The following AFF2 variants were observed in gnomAD, a reference collection of about 807,000 sequenced individuals.
The protein encoded by AFF2 is ALF transcription elongation factor 2.
A neutral mutation model predicts 76.9 loss-of-function variants in AFF2; 14 were observed. The ratio of observed to expected loss-of-function variants is 0.18; its 90% CI spans 0.12 to 0.28. AFF2 has a LOEUF of 0.28. Ranked by LOEUF, AFF2 falls within the 10% of genes least tolerant of loss-of-function variation. The probability of loss-of-function intolerance (pLI) is 1.00; values close to 1 mark genes in which losing one functional copy is unlikely to be tolerated. For missense variants in AFF2, 868 were observed against 1,001.1 expected (o/e 0.87, Z 1.79); for synonymous variants, 398 against 366.7 (o/e 1.09, Z -0.98).
intron 1 of AFF2, among the ~76,000 whole-genome samples, chrX:148,596,901 A>G (rs1403988298): frequency 8.9e-6 from 1 of 111,902 alleles, no homozygotes; most frequent in Non-Finnish European, 1.9e-5. Flanking sequence ...TTTGACAATG[A>G]AAACTCCCAA....
intron 1 of AFF2, among the ~76,000 whole-genome samples, chrX:148,529,264 T>G (rs2052701341): frequency 8.9e-6 from 1 of 111,822 alleles, no homozygotes; most frequent in Non-Finnish European, 1.9e-5. Flanking sequence ...GGGAGTGGAC[T>G]GCCATGCATG....
At chrX:148,978,251 C>G in intron 17 of AFF2, 111 bp from the exon 18 acceptor site, 1 of 572,647 alleles carries the variant, frequency 1.7e-6, no homozygotes. Flanking sequence ...TTATGTTTCT[C>G]AATCTAACCA....
chrX:148,864,884 A>T (rs984255218), intron 7 of AFF2, among the ~76,000 whole-genome samples: 16 of 112,283 alleles, frequency 1.4e-4, no homozygotes, highest in Non-Finnish European at 2.6e-4. Flanking sequence ...CGACTGAAAA[A>T]TTGTATAAAC....
chrX:148,644,867 C>T (rs928999537), intron 1 of AFF2, among the ~76,000 whole-genome samples: 16 of 111,729 alleles, frequency 1.4e-4, no homozygotes, highest in African/African-American at 5.2e-4. Context: ...TGCAGTTGGT[C>T]CAATGTATGC....
At chrX:148,978,299 T>G in intron 17 of AFF2, 63 bp from the exon 18 acceptor site, 1 of 809,279 alleles carries the variant, frequency 1.2e-6, no homozygotes, top group South Asian at 2.2e-5. Context: ...AGCAGTCTTC[T>G]TAACAGTTTA....
rs782019909 is a variant in AFF2 at position 148,843,434 on chromosome X, G to A, written c.1262+1G>A. 4.2e-6 allele frequency: 5 copies of A among 1,204,304 alleles called. No homozygotes were observed. The highest frequency in any genetic ancestry group is 1.8e-5 in the South Asian group (1 of 56,279). On this transcript the variant is annotated splice_donor_variant, in intron 7 of 20. Coordinates refer to ENST00000370460, the MANE Select transcript of AFF2 (RefSeq NM_002025.4). LOFTEE classifies it high-confidence loss of function. The stretch of plus-strand genomic sequence containing the variant: ...CTACAAAGTCAGTGTCTTTCAAATC[G>A]TGAGTAGTTGGATCTCCAAATCAGG...
intron 1 of AFF2, among the ~76,000 whole-genome samples, chrX:148,629,350 A>C (rs922029093): frequency 4.5e-5 from 5 of 112,152 alleles, no homozygotes; most frequent in Non-Finnish European, 7.5e-5. Context: ...GCAAATTGTT[A>C]GTTTACTTTA....
At chrX:148,826,769 A>G (rs2070392958) in intron 4 of AFF2, among the ~76,000 whole-genome samples, 1 of 60,306 alleles carries the variant, frequency 1.7e-5, no homozygotes, top group Non-Finnish European at 4.1e-5. Context: ...GTAGAGAAAA[A>G]CGAATCTGGG....
intron 3 of AFF2, chrX:148,719,221 T>G (rs782282910): frequency 3.1e-5 from 35 of 1,146,266 alleles, no homozygotes; most frequent in Non-Finnish European, 3.8e-5. Flanking sequence ...CCGTCCTTCT[T>G]CAAGATGAAG....
At chrX:148,920,491 C>T (rs1462751463) in intron 9 of AFF2, among the ~76,000 whole-genome samples, 1 of 111,727 alleles carries the variant, frequency 9.0e-6, no homozygotes, top group Non-Finnish European at 1.9e-5. Flanking sequence ...GTTCTCTCTT[C>T]CTTCAGCCAA....
chrX:148,947,426 C>T (rs782173813), intron 9 of AFF2, among the ~76,000 whole-genome samples: 60 of 112,184 alleles, frequency 5.3e-4, no homozygotes, highest in Middle Eastern at 4.6e-3. Context: ...TCTCCACATC[C>T]CTTGTTTCTT....
intron 1 of AFF2, among the ~76,000 whole-genome samples, chrX:148,589,911 A>G (rs1208132504): frequency 1.9e-5 from 2 of 107,283 alleles, no homozygotes; most frequent in Non-Finnish European, 3.8e-5. Flanking sequence ...CATGTTTTGA[A>G]GGAAACTCAC....
intron 9 of AFF2, among the ~76,000 whole-genome samples, chrX:148,952,672 A>T (rs1309723380): frequency 8.9e-6 from 1 of 112,089 alleles, no homozygotes; most frequent in Non-Finnish European, 1.9e-5. Flanking sequence ...AGAGCAAACG[A>T]TCGGTATGGA....
At chrX:148,849,472 T>C (rs1300941245) in intron 7 of AFF2, among the ~76,000 whole-genome samples, 3 of 98,104 alleles carry the variant, frequency 3.1e-5, no homozygotes, top group East Asian at 7.5e-4. Context: ...CATTTTTTTT[T>C]TCAACAAATA....
chrX:148,878,241 G>A (rs998986743), intron 7 of AFF2, among the ~76,000 whole-genome samples: 1 of 111,932 alleles, frequency 8.9e-6, no homozygotes, highest in Non-Finnish European at 1.9e-5. Flanking sequence ...GTGAGGGAAG[G>A]CTTTGATGTC....
chrX:148,799,807 A>G, intron 3 of AFF2, among the ~76,000 whole-genome samples: 1 of 111,980 alleles, frequency 8.9e-6, no homozygotes, highest in Non-Finnish European at 1.9e-5. Flanking sequence ...GCGCCTCATT[A>G]ATTTGAGGCT....
rs1228638930 is a variant in AFF2, at chrX:148,967,446, T to C, written c.3204-183T>C. Among the ~76,000 whole-genome samples, 3 of 112,436 alleles carry C rather than the reference T, an allele frequency of 2.7e-5. No homozygotes were observed. In the East Asian group the frequency reaches 8.3e-4, roughly 31 times the overall value. ...GGTTATTTATCCTAATGGGCCATTATGTACTTCAGATTTCATTTACAGTAT... is the reference window on the plus strand; with the variant it reads ...GGTTATTTATCCTAATGGGCCATTACGTACTTCAGATTTCATTTACAGTAT... On this transcript the variant is annotated intron_variant, in intron 14 of 20. Transcript: ENST00000370460.
intron 1 of AFF2, among the ~76,000 whole-genome samples, chrX:148,580,383 T>C (rs1287216853): frequency 9.0e-6 from 1 of 111,267 alleles, no homozygotes; most frequent in African/African-American, 3.3e-5. Context: ...GGATATTTAT[T>C]TAAGGGGAAA....
chrX:148,705,886 C>G (rs781863168), intron 3 of AFF2, among the ~76,000 whole-genome samples: 2 of 111,496 alleles, frequency 1.8e-5, no homozygotes, highest in South Asian at 7.6e-4. Flanking sequence ...AACTAGAGGT[C>G]TACAATTAAG....
Sources: allele counts gnomAD v4.1 joint callset (sites outside exome capture counted in the v4.1 genomes callset), GRCh38; gene constraint gnomAD v4.1.1; transcripts MANE v1.5; gene names NCBI Gene and HGNC (gene_info 2026-07-23, HGNC 2026-07-21).